KIF21A: variants seen among roughly 807,000 people sequenced by gnomAD.
KIF21A encodes kinesin family member 21A.
A neutral mutation model predicts 202.9 loss-of-function variants in KIF21A; 114 were observed. The observed-to-expected ratio is 0.56, with a 90% CI of 0.48 to 0.66. The LOEUF (loss-of-function observed/expected upper bound fraction) is 0.66, where lower values mean the gene tolerates loss of function less well. Ranked by LOEUF, KIF21A falls within the 30% of genes least tolerant of loss-of-function variation. The pLI, the probability that KIF21A is intolerant of heterozygous loss-of-function variation, is 0.00. For synonymous variants in KIF21A, 667 were observed against 670.8 expected, an observed-to-expected ratio of 0.99 and a Z score of 0.09; for missense variants, 1,677 against 1,994.9, an observed-to-expected ratio of 0.84 and a Z score of 3.04.
chr12:39,392,037 C>T (rs1349427119), intron 1 of KIF21A, among the ~76,000 whole-genome samples: 1 of 152,024 alleles, frequency 6.6e-6, no homozygotes, highest in East Asian at 1.9e-4. Context: ...CGCACCCAGC[C>T]TTAAACTGCA....
At chr12:39,297,134 GTCCCAAGC>G (rs1942456719) in intron 37 of KIF21A, among the ~76,000 whole-genome samples, 1 of 152,178 alleles carries the variant, frequency 6.6e-6, no homozygotes. Context: ...GAAAGGTTCT[GTCCCAAGC>G]ACAGAAATGT....
intron 1 of KIF21A, among the ~76,000 whole-genome samples, chr12:39,417,981 G>A (rs1953917107): frequency 6.6e-6 from 1 of 152,058 alleles, no homozygotes; most frequent in Non-Finnish European, 1.5e-5. Flanking sequence ...GCTAAGGCAG[G>A]TGGATCTCTT....
At chr12:39,296,146 G>A (rs1323439917) in intron 37 of KIF21A, among the ~76,000 whole-genome samples, 2 of 144,720 alleles carry the variant, frequency 1.4e-5, no homozygotes, top group African/African-American at 5.2e-5. Flanking sequence ...TTGGCTCACT[G>A]CAAGCTCCGC....
intron 1 of KIF21A, among the ~76,000 whole-genome samples, chr12:39,398,565 G>C (rs1461542115): frequency 6.6e-6 from 1 of 152,150 alleles, no homozygotes; most frequent in Admixed American, 6.6e-5. Flanking sequence ...TAGTTGAAGA[G>C]CCCAAGTGAG....
chr12:39,442,144 C>T lies in KIF21A; in HGVS notation c.44+783G>A, dbSNP rs1939727186. Among the ~76,000 whole-genome samples the T allele has an allele frequency of 6.6e-6, 1 of 152,120 alleles. No homozygotes were observed. Among genetic ancestry groups the T allele is most frequent in the African/African-American group, 2.4e-5 (1 of 41,428 alleles). The stretch of plus-strand genomic sequence containing the variant: ...AGGATGTACCTAGTATTTCCAGACT[C>T]ACACCCTGGCCTGGGTAACGTTACG... On this transcript the variant is annotated intron_variant, in intron 1 of 37. Transcript: ENST00000361418. The surrounding 1 kb of genome is among the most constrained non-coding windows in gnomAD (Gnocchi z 5.0).
chr12:39,337,282 G>T, intron 16 of KIF21A, 79 bp from the exon 17 acceptor site: 1 of 917,958 alleles, frequency 1.1e-6, no homozygotes, highest in Non-Finnish European at 1.8e-6. Flanking sequence ...ATGGAAGTAA[G>T]TTCTTAGAAT....
chr12:39,417,221 G>A (rs983336207), intron 1 of KIF21A, among the ~76,000 whole-genome samples: 1 of 152,076 alleles, frequency 6.6e-6, no homozygotes, highest in African/African-American at 2.4e-5. Flanking sequence ...GGGAGAGAAT[G>A]ATAGAAAAAT....
intron 8 of KIF21A, 88 bp from the exon 9 acceptor site, chr12:39,357,525 C>A (rs1467903848): frequency 4.3e-6 from 5 of 1,160,612 alleles, no homozygotes; most frequent in Non-Finnish European, 3.8e-6. Flanking sequence ...CTATACAATT[C>A]TCTAACCAAG....
intron 4 of KIF21A, 46 bp from the exon 5 acceptor site, chr12:39,367,210 G>A: frequency 1.2e-6 from 2 of 1,603,770 alleles, no homozygotes; most frequent in Non-Finnish European, 1.7e-6. Context: ...CAATAAACAA[G>A]ATACTATACA....
chr12:39,310,019 A>T (rs960515035), intron 32 of KIF21A, among the ~76,000 whole-genome samples: 1 of 152,036 alleles, frequency 6.6e-6, no homozygotes, highest in Non-Finnish European at 1.5e-5. Context: ...AATATTTATG[A>T]AAATTTTTGA....
In KIF21A at chr12:39,369,828, A is replaced by G; in HGVS notation, c.351T>C (p.Ala117=). ...CAATACTCTTAAAAAGGTGTTTAAC[A>G]GCTCGAGAAATAATACCCAGTTCTT... is the stretch of plus-strand genomic sequence containing the variant. ...VEEELGIISR[A]VKHLFKSIEE... is the part of the protein sequence containing the mutation. The change falls in exon 3 of 38, where the codon GCT becomes GCC. Residue 117 remains alanine, a synonymous_variant. Transcript: ENST00000361418. 6 of 1,612,976 alleles carry G rather than the reference A, an allele frequency of 3.7e-6. No homozygotes were observed. Among genetic ancestry groups the G allele is most frequent in the Non-Finnish European group, 5.1e-6 (6 of 1,179,160 alleles).
At chr12:39,410,831 G>C (rs974597058) in intron 1 of KIF21A, among the ~76,000 whole-genome samples, 2 of 152,006 alleles carry the variant, frequency 1.3e-5, no homozygotes, top group Non-Finnish European at 2.9e-5. Context: ...CTATATACTG[G>C]AAAATAAGAG....
At chr12:39,329,248 T>C (rs1039611119) in intron 24 of KIF21A, among the ~76,000 whole-genome samples, 1 of 152,162 alleles carries the variant, frequency 6.6e-6, no homozygotes, top group Admixed American at 6.5e-5. Context: ...GCTGAATGAG[T>C]TCCTACTCTC....
intron 31 of KIF21A, chr12:39,312,917 C>T (rs1169449352): frequency 6.6e-6 from 1 of 151,816 alleles, no homozygotes; most frequent in African/African-American, 2.4e-5. Context: ...GCATTATATG[C>T]TTCAAATTAT....
At chr12:39,424,780 T>C (rs748561203) in intron 1 of KIF21A, among the ~76,000 whole-genome samples, 3 of 152,182 alleles carry the variant, frequency 2.0e-5, no homozygotes, top group Non-Finnish European at 4.4e-5. Context: ...AACTGCTTTC[T>C]CACTCATCTC....
chr12:39,376,860 T>A, intron 1 of KIF21A, among the ~76,000 whole-genome samples: 1 of 152,182 alleles, frequency 6.6e-6, no homozygotes, highest in Non-Finnish European at 1.5e-5. Flanking sequence ...CTTTTGCTCA[T>A]TTATTGGTCA....
chr12:39,370,431 A>G (rs1047901279), intron 1 of KIF21A, among the ~76,000 whole-genome samples, 170 bp from the exon 2 acceptor site: 1 of 152,202 alleles, frequency 6.6e-6, no homozygotes, highest in African/African-American at 2.4e-5. Context: ...AATCAATTTC[A>G]GTACATGAGA....
intron 30 of KIF21A, among the ~76,000 whole-genome samples, chr12:39,315,653 T>C (rs1452009837): frequency 6.6e-6 from 1 of 151,944 alleles, no homozygotes; most frequent in Non-Finnish European, 1.5e-5. Flanking sequence ...ACATCAATAT[T>C]CATAAAACTT....
At position 39,369,973 on chromosome 12, in the gene KIF21A, T is replaced by A. The variant is rs74088368; in HGVS notation, c.268-62A>T. 1,122 of 1,592,774 alleles carry A rather than the reference T, an allele frequency of 7.0e-4. 5 individuals are homozygous for A. The African/African-American group carries it at 0.013, about 19-fold the overall frequency. On this transcript the variant is annotated intron_variant, in intron 2 of 37. Coordinates refer to ENST00000361418, the MANE Select transcript of KIF21A (RefSeq NM_001173464.2). ...TTAACATAACCTTAAGAAACAAAAA[T>A]GAAAGCGCAACTGAATTAACATTTC...
Sources: allele counts gnomAD v4.1 joint callset (sites outside exome capture counted in the v4.1 genomes callset), GRCh38; gene constraint gnomAD v4.1.1; non-coding constraint Gnocchi (gnomAD v3.1); transcripts MANE v1.5; gene names NCBI Gene and HGNC (gene_info 2026-07-23, HGNC 2026-07-21).